Variants in DNAJC8 observed in about 807,000 individuals in gnomAD.
DNAJC8 encodes DnaJ heat shock protein family (Hsp40) member C8.
In DNAJC8, 24 loss-of-function variants were observed where a neutral mutation model predicts 43.2. The observed-to-expected ratio is 0.56, with a 90% CI of 0.40 to 0.78. The LOEUF (loss-of-function observed/expected upper bound fraction) is 0.78. DNAJC8 is among the 30% of genes least tolerant of loss of function. DNAJC8 has a pLI of 0.00. For missense variants in DNAJC8, 207 were observed against 299.4 expected (o/e 0.69, Z 2.28); for synonymous variants, 83 against 98.0 (o/e 0.85, Z 0.90).
chr1:28,226,011 C>CA (rs1646931702), intron 2 of DNAJC8, among the ~76,000 whole-genome samples: 1 of 150,414 alleles, frequency 6.6e-6, no homozygotes, highest in Non-Finnish European at 1.5e-5. Flanking sequence ...GCCAAAATGG[C>CA]AAATTTTATG....
chr1:28,200,576 A>G lies in DNAJC8; in HGVS notation c.*672T>C, dbSNP rs1199513108. The G allele has an allele frequency of 2.2e-6, 1 of 456,542 alleles. No homozygotes were observed. The highest frequency in any genetic ancestry group is 2.3e-5 in the Admixed American group (1 of 42,574). 28.3% of individuals were successfully genotyped at this position (456,542 alleles called of 1,614,324 possible). ...AATGGCTTGGGTATAAAAATTTATT[A>G]TACATAAAGAATATTACCACTAACA... On this transcript the variant is annotated 3_prime_UTR_variant, in exon 9 of 9. Transcript: ENST00000263697.
At chr1:28,228,377 A>C (rs990007828) in intron 2 of DNAJC8, among the ~76,000 whole-genome samples, 2 of 149,286 alleles carry the variant, frequency 1.3e-5, no homozygotes, top group African/African-American at 5.0e-5. Flanking sequence ...AAAGAATCCT[A>C]AACTTATTAG....
chr1:28,232,787 A>T lies in DNAJC8; in HGVS notation c.78+134T>A, dbSNP rs1234393628. 4 of 889,506 alleles carry T rather than the reference A, an allele frequency of 4.5e-6. No homozygotes were observed. In the East Asian group the frequency reaches 1.0e-4, roughly 23 times the overall value. 55.1% of individuals were successfully genotyped at this position (889,506 alleles called of 1,614,324 possible). On this transcript the variant is annotated intron_variant, in intron 1 of 8. Transcript: ENST00000263697. ...GTGGGAGACGCTCACACACCCCCAG[A>T]CCCCCGCCACCCCGAAGACTGGACT...
At chr1:28,208,525 G>C in intron 5 of DNAJC8, 112 bp from the exon 6 acceptor site, 1 of 407,748 alleles carries the variant, frequency 2.5e-6, no homozygotes, top group Non-Finnish European at 4.0e-6. Context: ...ATAGCAAAAA[G>C]TTTTCATTAA....
At chr1:28,225,473 A>G (rs1646927676) in intron 2 of DNAJC8, among the ~76,000 whole-genome samples, 1 of 151,370 alleles carries the variant, frequency 6.6e-6, no homozygotes, top group East Asian at 1.9e-4. Context: ...AGTAACAAAT[A>G]CGGTACCATT....
At chr1:28,203,442 G>A (rs1235083943) in intron 8 of DNAJC8, among the ~76,000 whole-genome samples, 5 of 152,120 alleles carry the variant, frequency 3.3e-5, no homozygotes, top group Non-Finnish European at 5.9e-5. Context: ...GAGCCCACTG[G>A]GCAGCTGTGC....
At chr1:28,232,717 C>A (rs549914312) in intron 1 of DNAJC8, among the ~76,000 whole-genome samples, 2 of 152,314 alleles carry the variant, frequency 1.3e-5, no homozygotes, top group South Asian at 4.1e-4. Flanking sequence ...AGATCGAACA[C>A]CATTCCCTCT....
chr1:28,225,705 ATTT>A (rs199980896), intron 2 of DNAJC8, among the ~76,000 whole-genome samples: 1 of 137,490 alleles, frequency 7.3e-6, no homozygotes, highest in Non-Finnish European at 1.6e-5. Context: ...TTAAATGGTA[ATTT>A]TTTTTTTTTT....
intron 7 of DNAJC8, among the ~76,000 whole-genome samples, chr1:28,205,042 C>T (rs1163400918): frequency 6.6e-6 from 1 of 151,982 alleles, no homozygotes. Flanking sequence ...ATAAAAAATA[C>T]ACTCCCTAAG....
chr1:28,232,388 C>T (rs1462458458), intron 1 of DNAJC8, among the ~76,000 whole-genome samples: 1 of 152,216 alleles, frequency 6.6e-6, no homozygotes, highest in Non-Finnish European at 1.5e-5. Context: ...CCACTGCTGT[C>T]CTAACATACC....
intron 2 of DNAJC8, among the ~76,000 whole-genome samples, chr1:28,224,022 A>C (rs1557712796): frequency 6.6e-6 from 1 of 152,224 alleles, no homozygotes; most frequent in Non-Finnish European, 1.5e-5. Flanking sequence ...CTAATCAAAG[A>C]ATGATGAAGA....
At chr1:28,201,522 C>T (rs980461541) in intron 8 of DNAJC8, 152 bp from the exon 9 acceptor site, 31 of 1,242,498 alleles carry the variant, frequency 2.5e-5, no homozygotes, top group Non-Finnish European at 3.1e-5. Context: ...GGCACAGTGG[C>T]TCATACCTAT....
Position 28,228,408 on chromosome 1 carries a change from C to G in DNAJC8, c.180+514G>C, listed in dbSNP as rs193205002. ...ATTAGAGCTAGCCACCCCTTCACATCTGAAATTAAATCCTTATATATTTGG... is the reference window on the plus strand; with the variant it reads ...ATTAGAGCTAGCCACCCCTTCACATGTGAAATTAAATCCTTATATATTTGG... On this transcript the variant is annotated intron_variant, in intron 2 of 8. Transcript: ENST00000263697. Among the ~76,000 whole-genome samples the G allele has an allele frequency of 2.3e-3, 344 of 150,234 alleles. 2 individuals carry two copies. Among genetic ancestry groups the G allele is most frequent in the African/African-American group, 8.2e-3 (334 of 40,898 alleles).
At chr1:28,217,304 A>G (rs1646863242) in intron 2 of DNAJC8, among the ~76,000 whole-genome samples, 1 of 151,856 alleles carries the variant, frequency 6.6e-6, no homozygotes, top group East Asian at 1.9e-4. Flanking sequence ...ATGCCTGGTG[A>G]CTTTTTTAAA....
At chr1:28,217,448 C>G (rs1646864427) in intron 2 of DNAJC8, among the ~76,000 whole-genome samples, 1 of 152,016 alleles carries the variant, frequency 6.6e-6, no homozygotes, top group South Asian at 2.1e-4. Context: ...TGGAGAAACC[C>G]CGTCTCTACT....
chr1:28,203,838 G>T lies in DNAJC8; in HGVS notation c.564-16C>A. 2 of 1,613,122 alleles carry T rather than the reference G, an allele frequency of 1.2e-6. No individual in the cohort carries two copies. Among genetic ancestry groups the T allele is most frequent in the Non-Finnish European group, 8.5e-7 (1 of 1,179,214 alleles). On this transcript the variant is annotated splice_polypyrimidine_tract_variant and intron_variant, in intron 7 of 8. Transcript: ENST00000263697. Reference sequence around the variant, plus strand: ...TTGTCGTTTCCTAGGAGGAAAACCAGATCATAGTATTTATATGATACTTAC... The same window carrying T: ...TTGTCGTTTCCTAGGAGGAAAACCATATCATAGTATTTATATGATACTTAC...
At chr1:28,204,052 C>T (rs1337643279) in intron 7 of DNAJC8, among the ~76,000 whole-genome samples, 2 of 152,256 alleles carry the variant, frequency 1.3e-5, no homozygotes, top group East Asian at 3.9e-4. Flanking sequence ...ATCCTTGTTA[C>T]ACAGATAAAG....
chr1:28,213,620 C>A (rs931046394), intron 3 of DNAJC8, among the ~76,000 whole-genome samples: 1 of 151,940 alleles, frequency 6.6e-6, no homozygotes, highest in Non-Finnish European at 1.5e-5. Flanking sequence ...ATATGAAGTA[C>A]ATAAGACTAT....
At chr1:28,202,106 T>A (rs865864257) in intron 8 of DNAJC8, among the ~76,000 whole-genome samples, 1 of 151,798 alleles carries the variant, frequency 6.6e-6, no homozygotes, top group East Asian at 1.9e-4. Flanking sequence ...AAAAGTAGAA[T>A]AGAGCTTTCT....
Sources: allele counts gnomAD v4.1 joint callset (sites outside exome capture counted in the v4.1 genomes callset), GRCh38; gene constraint gnomAD v4.1.1; transcripts MANE v1.5; gene names NCBI Gene and HGNC (gene_info 2026-07-23, HGNC 2026-07-21).